RBFOX1: variants seen among roughly 807,000 people sequenced by gnomAD.
The protein encoded by RBFOX1 is RNA binding fox-1 homolog 1, also known as RNA binding protein fox-1 homolog 1.
RBFOX1 carries 8 observed loss-of-function variants against 57.7 expected under a neutral mutation model. The ratio of observed to expected loss-of-function variants is 0.14; its 90% CI spans 0.08 to 0.25. The LOEUF (loss-of-function observed/expected upper bound fraction) is 0.25. Ranked by LOEUF, RBFOX1 falls within the 10% of genes least tolerant of loss-of-function variation. The pLI is 1.00. For missense variants in RBFOX1, 611 were observed against 548.5 expected, an observed-to-expected ratio of 1.11 and a Z score of -1.14; for synonymous variants, 326 against 222.4, an observed-to-expected ratio of 1.47 and a Z score of -4.15.
At chr16:5,247,559 G>A (rs974163704) in intron 1 of RBFOX1, among the ~76,000 whole-genome samples, 1 of 152,186 alleles carries the variant, frequency 6.6e-6, no homozygotes, top group Non-Finnish European at 1.5e-5. Flanking sequence ...GAGGAGGCAG[G>A]CTACAGCCCA....
At chr16:6,877,349 A>G (rs1194823903) in intron 3 of RBFOX1, among the ~76,000 whole-genome samples, 1 of 152,216 alleles carries the variant, frequency 6.6e-6, no homozygotes, top group Non-Finnish European at 1.5e-5. Flanking sequence ...TCCCTTTAGC[A>G]GAACACAAAA....
intron 4 of RBFOX1, among the ~76,000 whole-genome samples, chr16:5,999,348 A>C (rs1294300748): frequency 3.3e-5 from 5 of 152,194 alleles, no homozygotes; most frequent in African/African-American, 2.4e-5. Context: ...CACTTCCACA[A>C]ATAAATCCTT....
At chr16:7,001,963 A>G (rs1363312291) in intron 3 of RBFOX1, among the ~76,000 whole-genome samples, 1 of 152,058 alleles carries the variant, frequency 6.6e-6, no homozygotes, top group African/African-American at 2.4e-5. Context: ...TCTTGTGCAC[A>G]CGATTGAGCA....
intron 4 of RBFOX1, among the ~76,000 whole-genome samples, chr16:7,341,348 A>T (rs1006841188): frequency 6.6e-6 from 1 of 152,204 alleles, no homozygotes; most frequent in Non-Finnish European, 1.5e-5. Context: ...CAAAGGCTCC[A>T]TGAAACTCAT....
intron 2 of RBFOX1, among the ~76,000 whole-genome samples, chr16:5,547,886 A>G (rs928825242): frequency 1.3e-4 from 20 of 152,060 alleles, no homozygotes; most frequent in Admixed American, 1.3e-3. Context: ...TAGGCCAGGC[A>G]CGGTGGCTCA....
At chr16:6,713,968 G>A (rs753811164) in intron 3 of RBFOX1, among the ~76,000 whole-genome samples, 30 of 152,222 alleles carry the variant, frequency 2.0e-4, no homozygotes, top group Non-Finnish European at 3.2e-4. Context: ...GAAAGTAGTT[G>A]ATACGGTTAG....
chr16:7,309,349 G>A (rs575930579), intron 4 of RBFOX1, among the ~76,000 whole-genome samples: 26 of 152,342 alleles, frequency 1.7e-4, no homozygotes, highest in Admixed American at 8.5e-4. Flanking sequence ...GGACTGCAGG[G>A]CCACCTGGGC....
At chr16:7,660,760 C>T (rs963786397) in intron 12 of RBFOX1, among the ~76,000 whole-genome samples, 1 of 152,192 alleles carries the variant, frequency 6.6e-6, no homozygotes, top group Non-Finnish European at 1.5e-5. Flanking sequence ...TCTATTCAAT[C>T]AGAACCTGTT....
intron 1 of RBFOX1, among the ~76,000 whole-genome samples, chr16:6,241,984 C>T (rs574946614): frequency 6.6e-6 from 1 of 152,054 alleles, no homozygotes; most frequent in Non-Finnish European, 1.5e-5. Flanking sequence ...TGTTGTGAAA[C>T]AGAAAAGAAC....
At chr16:7,575,856 C>T (rs2093287076) in intron 5 of RBFOX1, among the ~76,000 whole-genome samples, 1 of 152,178 alleles carries the variant, frequency 6.6e-6, no homozygotes, top group Non-Finnish European at 1.5e-5. Context: ...ATGCGTTAGG[C>T]TCTGAGGTAG....
intron 2 of RBFOX1, among the ~76,000 whole-genome samples, chr16:5,572,853 C>G (rs1246876301): frequency 6.6e-6 from 1 of 152,042 alleles, no homozygotes; most frequent in African/African-American, 2.4e-5. Flanking sequence ...ATAGAATGAG[C>G]AAAGGCAAAG....
intron 3 of RBFOX1, among the ~76,000 whole-genome samples, chr16:6,905,034 T>C (rs564335322): frequency 1.3e-5 from 2 of 152,278 alleles, no homozygotes; most frequent in Non-Finnish European, 2.9e-5. Flanking sequence ...GAGGAATTTT[T>C]CAAGTTGTAC....
At chr16:7,708,067 G>A (rs1269460427) in intron 14 of RBFOX1, among the ~76,000 whole-genome samples, 4 of 152,170 alleles carry the variant, frequency 2.6e-5, no homozygotes, top group Admixed American at 6.5e-5. Flanking sequence ...CAGGCTGAGT[G>A]CAGTGACTCA....
At chr16:5,719,226 C>T (rs1200721284) in intron 3 of RBFOX1, among the ~76,000 whole-genome samples, 2 of 134,422 alleles carry the variant, frequency 1.5e-5, no homozygotes, top group South Asian at 2.4e-4. Flanking sequence ...TTTTTTGAGA[C>T]GGAGTCTTGC....
chr16:6,497,996 C>T (rs751687913), intron 2 of RBFOX1, among the ~76,000 whole-genome samples: 2 of 152,028 alleles, frequency 1.3e-5, no homozygotes, highest in African/African-American at 2.4e-5. Context: ...TGCCTGTAAT[C>T]CCAACACTTT....
intron 3 of RBFOX1, among the ~76,000 whole-genome samples, chr16:6,659,230 C>T (rs372001943): frequency 3.2e-4 from 10 of 30,992 alleles, no homozygotes; most frequent in South Asian, 2.6e-3. Flanking sequence ...CAAGAGGAGA[C>T]GAGAGCCCAT....
At chr16:6,025,068 G>A (rs149646931) in intron 1 of RBFOX1, among the ~76,000 whole-genome samples, 200 of 152,282 alleles carry the variant, frequency 1.3e-3, no homozygotes, top group African/African-American at 4.6e-3. Flanking sequence ...ATTCTAATGG[G>A]AAACCATTGG....
At chr16:6,432,820 A>G (rs903905185) in intron 2 of RBFOX1, among the ~76,000 whole-genome samples, 3 of 151,984 alleles carry the variant, frequency 2.0e-5, no homozygotes, top group East Asian at 1.9e-4. Context: ...TCTAATAAAA[A>G]TACAAAACTT....
At position 5,991,986 on chromosome 16, in the gene RBFOX1, C is replaced by G. The variant is rs144260511; in HGVS notation, c.351+124651C>G. On this transcript the variant is annotated intron_variant, in intron 4 of 19. Transcript: ENST00000641259. Reference sequence around the variant, plus strand: ...TATGCACACACAGGCTAGAGAGAATCAGGTAGTGAGAAAAAAATACAGAGA... The same window carrying G: ...TATGCACACACAGGCTAGAGAGAATGAGGTAGTGAGAAAAAAATACAGAGA... 2.8e-3 allele frequency among the ~76,000 whole-genome samples: 430 copies of G among 152,132 alleles called. 3 individuals are homozygous for G. The highest frequency in any genetic ancestry group is 0.01 in the African/African-American group (419 of 41,498).
Sources: allele counts gnomAD v4.1 joint callset (sites outside exome capture counted in the v4.1 genomes callset), GRCh38; gene constraint gnomAD v4.1.1; transcripts MANE v1.5; gene names NCBI Gene and HGNC (gene_info 2026-07-23, HGNC 2026-07-21).